GALNT18: variants seen among roughly 807,000 people sequenced by gnomAD.
GALNT18 encodes the protein GalNAc-transferase 18.
GALNT18 carries 44 observed loss-of-function variants against 69.5 expected under a neutral mutation model. The ratio of observed to expected loss-of-function variants is 0.63; its 90% CI spans 0.50 to 0.81. The LOEUF is 0.81. Among genes scored for constraint, GALNT18 ranks in the 40% least tolerant of loss-of-function variants. The pLI, the probability that GALNT18 is intolerant of heterozygous loss-of-function variation, is 0.00. For synonymous variants in GALNT18, 364 were observed against 318.2 expected (o/e 1.14, Z -1.53); for missense variants, 715 against 810.0 (o/e 0.88, Z 1.42).
intron 1 of GALNT18, among the ~76,000 whole-genome samples, chr11:11,517,071 G>A (rs1857293213): frequency 6.6e-6 from 1 of 152,206 alleles, no homozygotes; most frequent in Admixed American, 6.5e-5. Context: ...GTGAGGACAC[G>A]GTGAGAAGAT....
At chr11:11,458,742 C>T (rs747115613) in intron 1 of GALNT18, among the ~76,000 whole-genome samples, 12 of 152,266 alleles carry the variant, frequency 7.9e-5, no homozygotes, top group Non-Finnish European at 1.8e-4. Flanking sequence ...TTCAGCTTGC[C>T]ATCTGCTGTG....
intron 10 of GALNT18, among the ~76,000 whole-genome samples, chr11:11,290,745 G>A (rs1476958031): frequency 1.3e-5 from 2 of 152,068 alleles, no homozygotes; most frequent in African/African-American, 4.8e-5. Flanking sequence ...CTTCCTGCAT[G>A]GTTCCATTCG....
At chr11:11,287,938 G>T (rs1849223687) in intron 10 of GALNT18, among the ~76,000 whole-genome samples, 2 of 152,124 alleles carry the variant, frequency 1.3e-5, no homozygotes, top group Non-Finnish European at 2.9e-5. Flanking sequence ...CTGCTGAAAT[G>T]TCTCTCAAAG....
At chr11:11,566,660 G>A (rs141722746) in intron 1 of GALNT18, among the ~76,000 whole-genome samples, 1 of 152,210 alleles carries the variant, frequency 6.6e-6, no homozygotes, top group Non-Finnish European at 1.5e-5. Context: ...GTTAACAATG[G>A]TGAGTCTAGG....
At chr11:11,545,580 A>T (rs1360974672) in intron 1 of GALNT18, among the ~76,000 whole-genome samples, 1 of 152,244 alleles carries the variant, frequency 6.6e-6, no homozygotes, top group Non-Finnish European at 1.5e-5. Flanking sequence ...CTCATGCCTC[A>T]GAAAAAAATC....
At chr11:11,615,739 G>A (rs1221702470) in intron 1 of GALNT18, among the ~76,000 whole-genome samples, 1 of 152,034 alleles carries the variant, frequency 6.6e-6, no homozygotes, top group Non-Finnish European at 1.5e-5. Flanking sequence ...GTGGAGTTTT[G>A]TTGTTTGCAG....
At chr11:11,376,256 C>T (rs2133684596) in intron 5 of GALNT18, among the ~76,000 whole-genome samples, 1 of 152,262 alleles carries the variant, frequency 6.6e-6, no homozygotes, top group Non-Finnish European at 1.5e-5. Flanking sequence ...GTGGCAGGTG[C>T]CTGTTATCCC....
chr11:11,347,269 G>A lies in GALNT18; in HGVS notation c.1093-6265C>T, dbSNP rs1850320751. Reference sequence around the variant, plus strand: ...CCCAGTACTTGAGACACAACTGAGAGTTGTAAATTGGGTTAAAATAGGGAC... The same window carrying A: ...CCCAGTACTTGAGACACAACTGAGAATTGTAAATTGGGTTAAAATAGGGAC... On this transcript the variant is annotated intron_variant, in intron 6 of 10. Coordinates refer to ENST00000227756, the MANE Select transcript of GALNT18 (RefSeq NM_198516.3). The surrounding 1 kb of genome is among the most constrained non-coding windows in gnomAD (Gnocchi z 4.0). Among the ~76,000 whole-genome samples, 1 of 152,218 alleles carries A rather than the reference G, an allele frequency of 6.6e-6. No individual in the cohort carries two copies. Among genetic ancestry groups the A allele is most frequent in the Non-Finnish European group, 1.5e-5 (1 of 68,048 alleles).
chr11:11,327,718 G>A (rs1564896573), intron 8 of GALNT18, among the ~76,000 whole-genome samples: 1 of 152,210 alleles, frequency 6.6e-6, no homozygotes, highest in Non-Finnish European at 1.5e-5. Context: ...GGCCAGGGTG[G>A]GAGCAGGAGA....
chr11:11,276,087 A>T (rs1259507552), intron 10 of GALNT18, among the ~76,000 whole-genome samples: 1 of 152,198 alleles, frequency 6.6e-6, no homozygotes, highest in Non-Finnish European at 1.5e-5. Flanking sequence ...TGGTAGCTTG[A>T]TGGGGATAGC....
rs1850045015 is a variant in GALNT18 at position 11,332,929 on chromosome 11, C to T, written c.1279-98G>A. 2.9e-6 allele frequency: 4 copies of T among 1,371,236 alleles called. No individual in the cohort carries two copies. The highest frequency in any genetic ancestry group is 3.1e-6 in the Non-Finnish European group (3 of 982,100). 84.9% of individuals were successfully genotyped at this position (1,371,236 alleles called of 1,614,324 possible). On this transcript the variant is annotated intron_variant, in intron 7 of 10. Transcript: ENST00000227756. This position sits in a 1 kb window ranked among gnomAD's most constrained non-coding sequence, Gnocchi z 4.3. ...TGACCTTGTGCCCCCAACAAGATTC[C>T]TAGAGACTGGGGAAGGGACCATGTG... is the stretch of plus-strand genomic sequence containing the variant.
chr11:11,557,307 T>C, intron 1 of GALNT18, among the ~76,000 whole-genome samples: 1 of 152,180 alleles, frequency 6.6e-6, no homozygotes, highest in Non-Finnish European at 1.5e-5. Context: ...TCTAAGGTAG[T>C]ACCCGCATTT....
intron 10 of GALNT18, among the ~76,000 whole-genome samples, chr11:11,280,679 G>A (rs1849053751): frequency 2.0e-5 from 3 of 152,118 alleles, no homozygotes; most frequent in Admixed American, 2.0e-4. Context: ...CTTTGAACAA[G>A]CTCTGGCTAA....
At chr11:11,560,052 G>A (rs1424905840) in intron 1 of GALNT18, among the ~76,000 whole-genome samples, 4 of 146,572 alleles carry the variant, frequency 2.7e-5, no homozygotes, top group African/African-American at 1.0e-4. Context: ...GGATGGGATG[G>A]GATAGGATGG....
chr11:11,309,163 C>T lies in GALNT18; in HGVS notation c.1513-15970G>A, dbSNP rs530794980. 3.9e-4 allele frequency among the ~76,000 whole-genome samples: 59 copies of T among 152,284 alleles called. No homozygotes were observed. The highest frequency in any genetic ancestry group is 1.3e-3 in the Admixed American group (20 of 15,304). ...CTTGTAAAAGGACAAGTTTAGTCCC[C>T]TCTCTAGCCCTTCTTTCTACACTTC... On this transcript the variant is annotated intron_variant, in intron 9 of 10. Transcript: ENST00000227756. The surrounding 1 kb of genome is among the most constrained non-coding windows in gnomAD (Gnocchi z 4.6).
intron 1 of GALNT18, among the ~76,000 whole-genome samples, chr11:11,521,895 C>T (rs1857407296): frequency 6.6e-6 from 1 of 152,142 alleles, no homozygotes; most frequent in Admixed American, 6.5e-5. Context: ...GTAATGTTGG[C>T]CCTACAGGGA....
Position 11,470,333 on chromosome 11 carries a change from A to T in GALNT18, c.236-21397T>A, listed in dbSNP as rs1856242221. Among the ~76,000 whole-genome samples, 1 of 152,210 alleles carries T rather than the reference A, an allele frequency of 6.6e-6. No homozygotes were observed. Among genetic ancestry groups the T allele is most frequent in the South Asian group, 2.1e-4 (1 of 4,826 alleles). ...TCTACATAGTCCTGTGCAGGCATGG[A>T]GGAAATTGTACGGTCATGCCCTACA... On this transcript the variant is annotated intron_variant, in intron 1 of 10. Coordinates refer to ENST00000227756, the MANE Select transcript of GALNT18 (RefSeq NM_198516.3). The surrounding 1 kb of genome is among the most constrained non-coding windows in gnomAD (Gnocchi z 4.8).
At chr11:11,545,003 C>T (rs965818378) in intron 1 of GALNT18, among the ~76,000 whole-genome samples, 1 of 152,206 alleles carries the variant, frequency 6.6e-6, no homozygotes, top group Non-Finnish European at 1.5e-5. Context: ...GAACCTCACC[C>T]AAATAATTAG....
At position 11,444,023 on chromosome 11, in the gene GALNT18, A is replaced by T. The variant is rs1319417125; in HGVS notation, c.428+4721T>A. ...AGGATGTGGACATCTTTGGGAGGCC[A>T]TTATTCTGCCTATCCATGAAGCCAG... On this transcript the variant is annotated intron_variant, in intron 2 of 10. Coordinates refer to ENST00000227756, the MANE Select transcript of GALNT18 (RefSeq NM_198516.3). The surrounding 1 kb of genome is among the most constrained non-coding windows in gnomAD (Gnocchi z 4.4). Among the ~76,000 whole-genome samples the T allele has an allele frequency of 2.6e-5, 4 of 152,198 alleles. No homozygotes were observed. The highest frequency in any genetic ancestry group is 6.5e-5 in the Admixed American group (1 of 15,278).
Sources: gnomAD v4.1 joint callset for allele counts (sites outside exome capture counted in the v4.1 genomes callset) on GRCh38, gnomAD v4.1.1 for gene constraint, Gnocchi (gnomAD v3.1) non-coding constraint, MANE v1.5 for transcripts, NCBI Gene and HGNC (gene_info 2026-07-23, HGNC 2026-07-21) for gene names.